PTPRN2: variants seen among roughly 807,000 people sequenced by gnomAD.
The protein encoded by PTPRN2 is protein tyrosine phosphatase receptor type N2.
A neutral mutation model predicts 118.8 loss-of-function variants in PTPRN2; 74 were observed. The ratio of observed to expected loss-of-function variants is 0.62; its 90% CI spans 0.52 to 0.76. PTPRN2 has a LOEUF of 0.76. Among genes scored for constraint, PTPRN2 ranks in the 30% least tolerant of loss-of-function variants. PTPRN2 has a pLI of 0.00. For synonymous variants in PTPRN2, 641 were observed against 608.0 expected, an observed-to-expected ratio of 1.05 and a Z score of -0.80; for missense variants, 1,481 against 1,394.4, an observed-to-expected ratio of 1.06 and a Z score of -0.99.
At chr7:157,684,467 C>T (rs1330775120) in intron 12 of PTPRN2, among the ~76,000 whole-genome samples, 5 of 145,394 alleles carry the variant, frequency 3.4e-5, no homozygotes, top group Non-Finnish European at 7.6e-5. Context: ...GGAGGAGGGG[C>T]GGGAACCAGG....
At chr7:157,745,090 C>T (rs1014211842) in intron 12 of PTPRN2, among the ~76,000 whole-genome samples, 1 of 152,206 alleles carries the variant, frequency 6.6e-6, no homozygotes, top group Non-Finnish European at 1.5e-5. Flanking sequence ...CGATGCTCCC[C>T]TTGCACGGAG....
intron 12 of PTPRN2, among the ~76,000 whole-genome samples, chr7:157,737,988 C>A (rs2150957084): frequency 6.6e-6 from 1 of 152,346 alleles, no homozygotes; most frequent in East Asian, 1.9e-4. Flanking sequence ...CTGCCACTCA[C>A]CCCTCCTCTC....
intron 11 of PTPRN2, among the ~76,000 whole-genome samples, chr7:158,014,816 CCCACACATCCATCCA>C (rs1403044726): frequency 1.3e-5 from 2 of 151,974 alleles, no homozygotes; most frequent in African/African-American, 4.8e-5. Context: ...CGTCCATATA[CCCACACATCCATCCA>C]CCACACATCC....
intron 5 of PTPRN2, among the ~76,000 whole-genome samples, chr7:158,171,306 C>CATATATAT (rs1554571662): frequency 3.0e-5 from 1 of 33,424 alleles, no homozygotes; most frequent in Non-Finnish European, 5.6e-5. Flanking sequence ...TATATATACA[C>CATATATAT]ACATATATAT....
At chr7:158,177,095 G>A (rs557635937) in intron 5 of PTPRN2, among the ~76,000 whole-genome samples, 7 of 152,298 alleles carry the variant, frequency 4.6e-5, no homozygotes, top group South Asian at 2.1e-4. Context: ...GAATGCAGGC[G>A]TCCCTCCTCT....
At chr7:158,157,486 T>G (rs181939232) in intron 6 of PTPRN2, among the ~76,000 whole-genome samples, 1 of 152,232 alleles carries the variant, frequency 6.6e-6, no homozygotes, top group African/African-American at 2.4e-5. Context: ...TGACTCTTAC[T>G]TCTCCCAAAT....
At chr7:158,458,623 G>A (rs1818718096) in intron 2 of PTPRN2, among the ~76,000 whole-genome samples, 1 of 152,150 alleles carries the variant, frequency 6.6e-6, no homozygotes, top group Non-Finnish European at 1.5e-5. Flanking sequence ...CAACAGCCCT[G>A]CAGAGCCAGA....
intron 2 of PTPRN2, among the ~76,000 whole-genome samples, chr7:158,342,108 C>T (rs1170916905): frequency 6.8e-6 from 1 of 147,868 alleles, no homozygotes; most frequent in Non-Finnish European, 1.5e-5. Flanking sequence ...AGACGTCACT[C>T]ACACCCACAC....
chr7:158,430,352 A>AG (rs552035521), intron 2 of PTPRN2, among the ~76,000 whole-genome samples: 48 of 152,356 alleles, frequency 3.2e-4, no homozygotes, highest in African/African-American at 1.1e-3. Context: ...TCACAGGCTG[A>AG]GGGGCCTGTA....
intron 11 of PTPRN2, among the ~76,000 whole-genome samples, chr7:157,923,911 A>G (rs1334706260): frequency 6.6e-6 from 1 of 152,218 alleles, no homozygotes; most frequent in African/African-American, 2.4e-5. Flanking sequence ...AGCAGAATTT[A>G]AAAAAGCAAC....
intron 12 of PTPRN2, among the ~76,000 whole-genome samples, chr7:157,700,776 C>G (rs966524292): frequency 6.6e-6 from 1 of 152,176 alleles, no homozygotes; most frequent in Non-Finnish European, 1.5e-5. Flanking sequence ...CCCCTGCATG[C>G]CTTCCCCACA....
intron 17 of PTPRN2, among the ~76,000 whole-genome samples, chr7:157,579,487 A>G (rs1800232480): frequency 6.6e-6 from 1 of 152,230 alleles, no homozygotes; most frequent in African/African-American, 2.4e-5. Context: ...CATGGAAGCC[A>G]TTACGAAAAT....
At chr7:157,709,424 C>A (rs1798488897) in intron 12 of PTPRN2, among the ~76,000 whole-genome samples, 1 of 152,192 alleles carries the variant, frequency 6.6e-6, no homozygotes, top group South Asian at 2.1e-4. Flanking sequence ...GTGTGTGGGA[C>A]AGAATGAGGT....
intron 12 of PTPRN2, among the ~76,000 whole-genome samples, chr7:157,703,134 C>T (rs185509667): frequency 5.6e-4 from 86 of 152,310 alleles, no homozygotes; most frequent in Non-Finnish European, 2.1e-4. Flanking sequence ...TCAGTGTGGC[C>T]GGCAGCCTCT....
At chr7:158,511,126 A>T (rs1167970473) in intron 1 of PTPRN2, among the ~76,000 whole-genome samples, 1 of 152,154 alleles carries the variant, frequency 6.6e-6, no homozygotes, top group Non-Finnish European at 1.5e-5. Flanking sequence ...GGCACCTTTG[A>T]CCCTGCACCT....
At chr7:158,125,524 C>T (rs1010778687) in intron 9 of PTPRN2, among the ~76,000 whole-genome samples, 2 of 152,206 alleles carry the variant, frequency 1.3e-5, no homozygotes, top group African/African-American at 4.8e-5. Context: ...GCCTTCTTCT[C>T]TTCTAATGTA....
chr7:157,642,674 G>A lies in PTPRN2; in HGVS notation c.2196+13683C>T, dbSNP rs183548079. Among the ~76,000 whole-genome samples the A allele has an allele frequency of 1.5e-3, 225 of 152,138 alleles. 1 individual carries two copies. Among genetic ancestry groups the A allele is most frequent in the African/African-American group, 5.1e-3 (212 of 41,500 alleles). On this transcript the variant is annotated intron_variant, in intron 14 of 22. Transcript: ENST00000389418. ...TGTTTCCTCCCACAACCGTTAATTC[G>A]TGGACCTGTTAACTTTTACCAAGTT... is the stretch of plus-strand genomic sequence containing the variant.
intron 1 of PTPRN2, among the ~76,000 whole-genome samples, chr7:158,561,882 C>T (rs1279624596): frequency 6.7e-6 from 1 of 148,696 alleles, no homozygotes; most frequent in South Asian, 2.1e-4. Context: ...GGCCCTGGAA[C>T]ACCACAATTT....
intron 2 of PTPRN2, among the ~76,000 whole-genome samples, chr7:158,401,963 G>A (rs1812979350): frequency 3.3e-5 from 5 of 152,182 alleles, no homozygotes; most frequent in Non-Finnish European, 4.4e-5. Flanking sequence ...ATCTGGGAAA[G>A]GGGGTCTGGC....
Sources: allele counts gnomAD v4.1 joint callset (sites outside exome capture counted in the v4.1 genomes callset), GRCh38; gene constraint gnomAD v4.1.1; transcripts MANE v1.5; gene names NCBI Gene and HGNC (gene_info 2026-07-23, HGNC 2026-07-21).